The following A1CF variants were observed in gnomAD, a reference collection of about 807,000 sequenced individuals.
The protein encoded by A1CF is APOBEC1 complementation factor.
A neutral mutation model predicts 68.9 loss-of-function variants in A1CF; 48 were observed. That is an observed-to-expected ratio of 0.70 (90% CI 0.55 to 0.89). A1CF has a LOEUF of 0.89. Among genes scored for constraint, A1CF ranks in the 40% least tolerant of loss-of-function variants. The pLI is 0.00. For missense variants in A1CF, 653 were observed against 718.9 expected, an observed-to-expected ratio of 0.91 and a Z score of 1.05; for synonymous variants, 272 against 260.4, an observed-to-expected ratio of 1.04 and a Z score of -0.43.
intron 5 of A1CF, among the ~76,000 whole-genome samples, chr10:50,839,817 G>A (rs1327529777): frequency 1.3e-5 from 2 of 151,534 alleles, no homozygotes; most frequent in Admixed American, 6.6e-5. Context: ...GTGTGATCTC[G>A]GCTCACTGCA....
rs145026314 is a variant in A1CF at position 50,819,250 on chromosome 10, G to A, written c.867+1302C>T. On this transcript the variant is annotated intron_variant, in intron 8 of 12. Transcript: ENST00000373997. ...AAGAGATCCTCCCACCTCAGCCCCC[G>A]GAGTAGCTGGGACTACTGTAGTAGT... Among the ~76,000 whole-genome samples, 1,106 of 152,004 alleles carry A rather than the reference G, an allele frequency of 7.3e-3. 22 individuals are homozygous for A. Among genetic ancestry groups the A allele is most frequent in the African/African-American group, 0.025 (1,039 of 41,492 alleles).
At chr10:50,841,417 G>A (rs1422651254) in intron 5 of A1CF, among the ~76,000 whole-genome samples, 1 of 152,098 alleles carries the variant, frequency 6.6e-6, no homozygotes, top group Non-Finnish European at 1.5e-5. Flanking sequence ...TTTCATTCAA[G>A]TCTCAGATTA....
At chr10:50,807,391 A>G (rs1837882921) in intron 12 of A1CF, among the ~76,000 whole-genome samples, 1 of 152,222 alleles carries the variant, frequency 6.6e-6, no homozygotes, top group South Asian at 2.1e-4. Context: ...CTGGGAGATC[A>G]GTAGGAGAAA....
chr10:50,806,639 A>G lies in A1CF; in HGVS notation c.*90T>C. 1 of 1,230,002 alleles carries G rather than the reference A, an allele frequency of 8.1e-7. No homozygotes were observed. Among genetic ancestry groups the G allele is most frequent in the Middle Eastern group, 2.6e-4 (1 of 3,814 alleles). 76.2% of individuals were successfully genotyped at this position (1,230,002 alleles called of 1,614,324 possible). A position where few individuals can be genotyped will look rare whatever the true frequency, so the allele number is the denominator to read the frequency against. On this transcript the variant is annotated 3_prime_UTR_variant, in exon 13 of 13. Transcript: ENST00000373997. ...CATTTCTTTAGGAAACATATTATTTATGATCATTGGGGACCGAGTTAGAGG... is the reference window on the plus strand; with the variant it reads ...CATTTCTTTAGGAAACATATTATTTGTGATCATTGGGGACCGAGTTAGAGG...
At chr10:50,812,810 C>T (rs947226625) in intron 10 of A1CF, among the ~76,000 whole-genome samples, 1 of 152,188 alleles carries the variant, frequency 6.6e-6, no homozygotes, top group Non-Finnish European at 1.5e-5. Flanking sequence ...CTACATGGTG[C>T]ATAAGAGAAG....
chr10:50,859,807 A>G (rs754335895), intron 3 of A1CF, 35 bp downstream of exon 3: 1 of 1,582,518 alleles, frequency 6.3e-7, no homozygotes, highest in East Asian at 2.2e-5. Context: ...GTGCAAATTC[A>G]GTGGTGAGTC....
chr10:50,847,154 C>T (rs558529712), intron 3 of A1CF, among the ~76,000 whole-genome samples: 11 of 152,288 alleles, frequency 7.2e-5, no homozygotes, highest in African/African-American at 2.6e-4. Context: ...TCCCCAGCAG[C>T]ACAAATGTAT....
In A1CF at chr10:50,800,766, T is replaced by C. The variant is rs1463575048; in HGVS notation, c.*5963A>G. On this transcript the variant is annotated 3_prime_UTR_variant, in exon 13 of 13. Coordinates refer to ENST00000373997, the MANE Select transcript of A1CF (RefSeq NM_014576.4). Reference sequence around the variant, plus strand: ...GGAAAATAATCTCTCAATGTTATTTTCCATTAAAAATAATAAAACCTTTAT... The same window carrying C: ...GGAAAATAATCTCTCAATGTTATTTCCCATTAAAAATAATAAAACCTTTAT... The C allele has an allele frequency of 1.3e-5, 2 of 152,156 alleles. No homozygotes were observed. The highest frequency in any genetic ancestry group is 4.8e-5 in the African/African-American group (2 of 41,440). 9.4% of individuals were successfully genotyped at this position (152,156 alleles called of 1,614,324 possible). A position where few individuals can be genotyped will look rare whatever the true frequency, so the allele number is the denominator to read the frequency against.
intron 3 of A1CF, among the ~76,000 whole-genome samples, chr10:50,845,972 C>T (rs568291778): frequency 1.0e-4 from 15 of 150,406 alleles, no homozygotes; most frequent in African/African-American, 3.1e-4. Flanking sequence ...AAAAAAAACT[C>T]CTTATTTATG....
intron 1 of A1CF, among the ~76,000 whole-genome samples, chr10:50,883,042 A>T (rs1002745103): frequency 6.6e-6 from 1 of 152,206 alleles, no homozygotes; most frequent in Non-Finnish European, 1.5e-5. Context: ...ATACTAAAAA[A>T]ATTTACAGAC....
intron 4 of A1CF, 102 bp downstream of exon 4, chr10:50,843,886 A>T: frequency 7.2e-7 from 1 of 1,393,106 alleles, no homozygotes; most frequent in South Asian, 1.3e-5. Context: ...ATTGGAATGG[A>T]AACAGCCACT....
At position 50,804,436 on chromosome 10, in the gene A1CF, T is replaced by C. The variant is rs1291698107; in HGVS notation, c.*2293A>G. ...CATCCAGAATACCCTTTGCTGTTTATTTGCAAAGATTTTAAGGAAAATCAG... is the reference window on the plus strand; with the variant it reads ...CATCCAGAATACCCTTTGCTGTTTACTTGCAAAGATTTTAAGGAAAATCAG... On this transcript the variant is annotated 3_prime_UTR_variant, in exon 13 of 13. Coordinates refer to ENST00000373997, the MANE Select transcript of A1CF (RefSeq NM_014576.4). 6.6e-6 allele frequency: 1 copy of C among 152,202 alleles called. No homozygotes were observed. The highest frequency in any genetic ancestry group is 1.5e-5 in the Non-Finnish European group (1 of 68,018). 9.4% of individuals were successfully genotyped at this position (152,202 alleles called of 1,614,324 possible).
intron 11 of A1CF, among the ~76,000 whole-genome samples, 186 bp from the exon 12 acceptor site, chr10:50,810,228 A>G (rs1047221261): frequency 3.3e-5 from 5 of 152,244 alleles, no homozygotes; most frequent in Non-Finnish European, 7.3e-5. Flanking sequence ...AAATTGATCT[A>G]GAACATCAGT....
chr10:50,822,887 C>G (rs1439583889), intron 7 of A1CF: 1 of 152,140 alleles, frequency 6.6e-6, no homozygotes, highest in Non-Finnish European at 1.5e-5. Flanking sequence ...CCTAGGCTCA[C>G]TGGTCTGTTA....
At chr10:50,872,935 T>C (rs1400086173) in intron 1 of A1CF, among the ~76,000 whole-genome samples, 1 of 149,006 alleles carries the variant, frequency 6.7e-6, no homozygotes, top group Non-Finnish European at 1.5e-5. Flanking sequence ...TTTATTCTTA[T>C]ATTTAAGTTC....
intron 1 of A1CF, among the ~76,000 whole-genome samples, chr10:50,881,314 A>G (rs188884517): frequency 2.0e-5 from 3 of 152,228 alleles, no homozygotes; most frequent in African/African-American, 7.2e-5. Flanking sequence ...ACTGATAGGT[A>G]CATTAGTTAA....
At chr10:50,879,867 A>C (rs1841691859) in intron 1 of A1CF, among the ~76,000 whole-genome samples, 1 of 152,126 alleles carries the variant, frequency 6.6e-6, no homozygotes, top group Non-Finnish European at 1.5e-5. Context: ...AAGTCACAAA[A>C]TGGGTCTCCT....
In A1CF at chr10:50,809,893, C is replaced by T. The variant is rs1386603707; in HGVS notation, c.1609+1G>A. ...CCATTTCTGGCACAATTTTCCCATA[C>T]CTGGGAAAGCAGTAGCAGCAGCAGC... On this transcript the variant is annotated splice_donor_variant, in intron 12 of 12. Coordinates refer to ENST00000373997, the MANE Select transcript of A1CF (RefSeq NM_014576.4). LOFTEE classifies it high-confidence loss of function. The T allele has an allele frequency of 6.2e-7, 1 of 1,613,774 alleles. No individual in the cohort carries two copies. The highest frequency in any genetic ancestry group is 8.5e-7 in the Non-Finnish European group (1 of 1,179,816).
chr10:50,878,209 A>T (rs897939810), intron 1 of A1CF, among the ~76,000 whole-genome samples: 8 of 152,224 alleles, frequency 5.3e-5, no homozygotes, highest in African/African-American at 1.7e-4. Context: ...AGTGATGGGG[A>T]TAGAATTAAT....
Sources: allele counts gnomAD v4.1 joint callset (sites outside exome capture counted in the v4.1 genomes callset), GRCh38; gene constraint gnomAD v4.1.1; transcripts MANE v1.5; gene names NCBI Gene and HGNC (gene_info 2026-07-23, HGNC 2026-07-21).